Variants in CEP170 observed in about 807,000 individuals in gnomAD.
CEP170 encodes centrosomal protein 170.
CEP170 carries 21 observed loss-of-function variants against 151.9 expected under a neutral mutation model. The ratio of observed to expected loss-of-function variants is 0.14; its 90% CI spans 0.10 to 0.20. CEP170 has a LOEUF of 0.20. Among genes scored for constraint, CEP170 ranks in the 10% least tolerant of loss-of-function variants. The probability of loss-of-function intolerance (pLI) is 1.00; values close to 1 mark genes in which losing one functional copy is unlikely to be tolerated. For synonymous variants in CEP170, 356 were observed against 648.8 expected (o/e 0.55, Z 6.86); for missense variants, 964 against 1,892.9 (o/e 0.51, Z 9.11).
chr1:243,190,108 G>A (rs762997983), intron 8 of CEP170, among the ~76,000 whole-genome samples: 2 of 152,038 alleles, frequency 1.3e-5, no homozygotes, highest in South Asian at 2.1e-4. Context: ...CAGAGAAATC[G>A]CCCATTGTTT....
rs191956534 is a variant in CEP170 at position 243,185,315 on chromosome 1, C to T, written c.1566+464G>A. Among the ~76,000 whole-genome samples the T allele has an allele frequency of 7.2e-3, 1,103 of 152,242 alleles. 7 individuals are homozygous for T. Among genetic ancestry groups the T allele is most frequent in the Non-Finnish European group, 0.011 (752 of 68,018 alleles). ...AGTGAATAGAAATTAAGAAAACATA[C>T]GGACAAAGAACAAAGCTAAAATAAG... On this transcript the variant is annotated intron_variant, in intron 10 of 19. Transcript: ENST00000366542. The surrounding 1 kb of genome is among the most constrained non-coding windows in gnomAD (Gnocchi z 4.9).
At chr1:243,189,936 G>GT (rs1353753264) in intron 8 of CEP170, among the ~76,000 whole-genome samples, 1 of 152,094 alleles carries the variant, frequency 6.6e-6, no homozygotes, top group Admixed American at 6.6e-5. Flanking sequence ...ATTAAATATT[G>GT]TGATAGGCTC....
At chr1:243,137,603 C>T (rs1439532601) in intron 16 of CEP170, among the ~76,000 whole-genome samples, 7 of 151,812 alleles carry the variant, frequency 4.6e-5, no homozygotes, top group African/African-American at 1.2e-4. Flanking sequence ...GGTGAAACCC[C>T]ATCTCTACTA....
At chr1:243,225,634 C>G (rs2063162723) in intron 1 of CEP170, among the ~76,000 whole-genome samples, 1 of 152,116 alleles carries the variant, frequency 6.6e-6, no homozygotes, top group Non-Finnish European at 1.5e-5. Flanking sequence ...CTATAATCCT[C>G]AAGTAAATGC....
intron 4 of CEP170, among the ~76,000 whole-genome samples, chr1:243,209,601 T>C (rs962351447): frequency 6.6e-6 from 1 of 152,156 alleles, no homozygotes; most frequent in Non-Finnish European, 1.5e-5. Context: ...CAATCTAGCA[T>C]AGCTAAATAC....
At chr1:243,193,098 T>C (rs1403659638) in intron 7 of CEP170, among the ~76,000 whole-genome samples, 1 of 152,072 alleles carries the variant, frequency 6.6e-6, no homozygotes, top group Non-Finnish European at 1.5e-5. Flanking sequence ...TTTAAAAAAA[T>C]GTTTGATTAA....
chr1:243,168,071 C>T (rs1207997662), intron 12 of CEP170, among the ~76,000 whole-genome samples: 7 of 151,888 alleles, frequency 4.6e-5, no homozygotes, highest in Non-Finnish European at 7.4e-5. Flanking sequence ...AATTTTATAA[C>T]GGATTCTTTG....
rs1381304718 is a variant in CEP170, at chr1:243,225,036, A to G, written c.105+140T>C. 8.8e-6 allele frequency: 4 copies of G among 457,070 alleles called. 1 individual carries two copies. Among genetic ancestry groups the G allele is most frequent in the Non-Finnish European group, 1.5e-5 (4 of 268,854 alleles). 28.3% of individuals were successfully genotyped at this position (457,070 alleles called of 1,614,324 possible). A position where few individuals can be genotyped will look rare whatever the true frequency, so the allele number is the denominator to read the frequency against. On this transcript the variant is annotated intron_variant, in intron 2 of 19. Coordinates refer to ENST00000366542, the MANE Select transcript of CEP170 (RefSeq NM_014812.3). ...TTTTAGATGATTCAAGGGGGCAAAA[A>G]ATTAATTAGAATGATAGCTGGAGCT...
At chr1:243,243,783 C>G (rs1025360696) in intron 1 of CEP170, among the ~76,000 whole-genome samples, 2 of 152,084 alleles carry the variant, frequency 1.3e-5, no homozygotes, top group African/African-American at 4.8e-5. Context: ...ACCTCAGCCT[C>G]CCAAAGTATT....
intron 1 of CEP170, among the ~76,000 whole-genome samples, chr1:243,253,582 A>G (rs147549707): frequency 5.4e-4 from 82 of 152,352 alleles, no homozygotes; most frequent in African/African-American, 1.9e-3. Flanking sequence ...AGAAAAATAC[A>G]TAAGTTGCTA....
chr1:243,126,123 G>A lies in CEP170; in HGVS notation c.*326C>T, dbSNP rs769699981. The stretch of plus-strand genomic sequence containing the variant: ...TGTTGGCTATTTAGTTTGCTTGTAG[G>A]TCACAGCATGGCTTAAAAAAAAGAA... On this transcript the variant is annotated 3_prime_UTR_variant, in exon 20 of 20. Coordinates refer to ENST00000366542, the MANE Select transcript of CEP170 (RefSeq NM_014812.3). 2 of 465,590 alleles carry A rather than the reference G, an allele frequency of 4.3e-6. No homozygotes were observed. Among genetic ancestry groups the A allele is most frequent in the South Asian group, 3.1e-5 (2 of 64,650 alleles). 28.8% of individuals were successfully genotyped at this position (465,590 alleles called of 1,614,324 possible). A position where few individuals can be genotyped will look rare whatever the true frequency, so the allele number is the denominator to read the frequency against.
chr1:243,195,792 T>C (rs917859426), intron 7 of CEP170, among the ~76,000 whole-genome samples: 2 of 152,106 alleles, frequency 1.3e-5, no homozygotes, highest in African/African-American at 4.8e-5. Context: ...CATAAATTAT[T>C]ACAAGACAGT....
chr1:243,155,208 T>A (rs1347382394), intron 14 of CEP170, among the ~76,000 whole-genome samples: 2 of 152,142 alleles, frequency 1.3e-5, no homozygotes, highest in Non-Finnish European at 2.9e-5. Flanking sequence ...AAAGGCATGT[T>A]CTCTCCAAGA....
chr1:243,187,702 A>AATCTC (rs1484282321), intron 8 of CEP170, among the ~76,000 whole-genome samples: 8 of 152,202 alleles, frequency 5.3e-5, no homozygotes, highest in African/African-American at 1.9e-4. Context: ...GTTAATGTTT[A>AATCTC]TAGGTTGTTC....
intron 1 of CEP170, among the ~76,000 whole-genome samples, chr1:243,243,573 G>T (rs2065071180): frequency 6.6e-6 from 1 of 151,622 alleles, no homozygotes; most frequent in Non-Finnish European, 1.5e-5. Flanking sequence ...GCCCAGGCTG[G>T]AGTCCAGTGG....
At chr1:243,175,407 T>C (rs527463537) in intron 10 of CEP170, among the ~76,000 whole-genome samples, 2 of 152,304 alleles carry the variant, frequency 1.3e-5, no homozygotes, top group South Asian at 2.1e-4. Context: ...TCTGTTTTGA[T>C]AGCGTTTTGA....
chr1:243,248,839 C>A (rs1315575051), intron 1 of CEP170, among the ~76,000 whole-genome samples: 1 of 152,198 alleles, frequency 6.6e-6, no homozygotes. Flanking sequence ...TATGCAACCT[C>A]ATTTCCTCCT....
At chr1:243,221,579 C>G in intron 3 of CEP170, 145 bp downstream of exon 3, 1 of 744,504 alleles carries the variant, frequency 1.3e-6, no homozygotes, top group South Asian at 2.1e-5. Flanking sequence ...GGATGGTCCC[C>G]AAAGTGCTAT....
At chr1:243,132,280 T>C (rs939267036) in intron 17 of CEP170, among the ~76,000 whole-genome samples, 12 of 152,232 alleles carry the variant, frequency 7.9e-5, no homozygotes, top group African/African-American at 2.4e-4. Context: ...TACCTTTGAA[T>C]AGTATCTTCT....
Sources: allele counts gnomAD v4.1 joint callset (sites outside exome capture counted in the v4.1 genomes callset), GRCh38; gene constraint gnomAD v4.1.1; non-coding constraint Gnocchi (gnomAD v3.1); transcripts MANE v1.5; gene names NCBI Gene and HGNC (gene_info 2026-07-23, HGNC 2026-07-21).